DYNC2H1: variants seen among roughly 807,000 people sequenced by gnomAD.
The protein encoded by DYNC2H1 is dynein cytoplasmic 2 heavy chain 1.
DYNC2H1 carries 410 observed loss-of-function variants against 570.0 expected under a neutral mutation model. That is an observed-to-expected ratio of 0.72 (90% CI 0.66 to 0.78). DYNC2H1 has a LOEUF of 0.78. DYNC2H1 is among the 30% of genes least tolerant of loss of function. The probability of loss-of-function intolerance (pLI) is 0.00; values close to 1 mark genes in which losing one functional copy is unlikely to be tolerated. For synonymous variants in DYNC2H1, 1,688 were observed against 1,677.6 expected, an observed-to-expected ratio of 1.01 and a Z score of -0.15; for missense variants, 4,865 against 5,046.4, an observed-to-expected ratio of 0.96 and a Z score of 1.09.
At chr11:103,307,519 G>C (rs930352695) in intron 77 of DYNC2H1, among the ~76,000 whole-genome samples, 3 of 152,094 alleles carry the variant, frequency 2.0e-5, no homozygotes, top group African/African-American at 7.2e-5. Context: ...CAGTCAACAT[G>C]ACTTTAGATG....
chr11:103,349,472 G>A (rs1034260227), intron 82 of DYNC2H1, among the ~76,000 whole-genome samples: 5 of 151,934 alleles, frequency 3.3e-5, no homozygotes, highest in African/African-American at 1.2e-4. Flanking sequence ...TTCAGGGTGC[G>A]ACAAAGTATC....
chr11:103,324,016 C>T lies in DYNC2H1; in HGVS notation c.12039+26C>T. 1.3e-6 allele frequency: 2 copies of T among 1,559,644 alleles called. No homozygotes were observed. Among genetic ancestry groups the T allele is most frequent in the Non-Finnish European group, 1.7e-6 (2 of 1,154,584 alleles). On this transcript the variant is annotated intron_variant, in intron 82 of 88. Transcript: ENST00000375735. This position sits in a 1 kb window ranked among gnomAD's most constrained non-coding sequence, Gnocchi z 5.2. Reference sequence around the variant, plus strand: ...GTAACCTAAAAAAAAGATCTACCTTCAAAAAAAGTTGCTAGTGAGCCTGAA... The same window carrying T: ...GTAACCTAAAAAAAAGATCTACCTTTAAAAAAAGTTGCTAGTGAGCCTGAA...
At chr11:103,342,166 G>A (rs564881678) in intron 82 of DYNC2H1, among the ~76,000 whole-genome samples, 95 of 151,818 alleles carry the variant, frequency 6.3e-4, no homozygotes, top group African/African-American at 2.1e-3. Context: ...TGTCTTACAA[G>A]AGGTTTGTAA....
chr11:103,163,145 C>T lies in DYNC2H1; in HGVS notation c.4609C>T (p.Gln1537Ter). Residue 1537 changes from glutamine (Q) to a stop codon, truncating the protein, a stop_gained and splice_region_variant, in exon 30 of 89, where the codon CAG becomes TAG. Transcript: ENST00000375735. LOFTEE classifies it high-confidence loss of function. This position sits in a 1 kb window ranked among gnomAD's most constrained non-coding sequence, Gnocchi z 4.6. ...AGTTGACCCATCTCTGTTCCCTTCACAGGTAAGGGGGCTTACGTGTAGAAG... is the reference window on the plus strand; with the variant it reads ...AGTTGACCCATCTCTGTTCCCTTCATAGGTAAGGGGGCTTACGTGTAGAAG... ...GAVDPSLFPS[Q>*]ILCLAEQIKF... 6.2e-7 allele frequency: 1 copy of T among 1,609,758 alleles called. No homozygotes were observed. Among genetic ancestry groups the T allele is most frequent in the Non-Finnish European group, 8.5e-7 (1 of 1,177,276 alleles).
At chr11:103,263,388 T>C (rs1591492225) in intron 70 of DYNC2H1, among the ~76,000 whole-genome samples, 1 of 152,020 alleles carries the variant, frequency 6.6e-6, no homozygotes, top group Non-Finnish European at 1.5e-5. Flanking sequence ...AACTCTCCAC[T>C]CCAAATCAAC....
intron 84 of DYNC2H1, among the ~76,000 whole-genome samples, chr11:103,425,420 T>C (rs971427164): frequency 2.0e-5 from 3 of 152,090 alleles, no homozygotes; most frequent in African/African-American, 7.2e-5. Context: ...TATCCTCATA[T>C]GGTGGAAAGA....
intron 83 of DYNC2H1, among the ~76,000 whole-genome samples, chr11:103,386,744 T>G (rs909633441): frequency 2.6e-5 from 4 of 152,044 alleles, no homozygotes; most frequent in Admixed American, 6.6e-5. Flanking sequence ...AGTGAGAACA[T>G]GTGGTGTTTG....
intron 75 of DYNC2H1, among the ~76,000 whole-genome samples, chr11:103,288,812 C>T (rs57475471): frequency 0.34 from 49,060 of 145,378 alleles, 8,451 homozygotes; most frequent in Non-Finnish European, 0.38. Context: ...ACCCAGGAGG[C>T]GGAGGTTGCA....
rs749217215 is a variant in DYNC2H1, at chr11:103,455,246, C to T, written c.12517C>T (p.Leu4173Phe). 3.7e-6 allele frequency: 6 copies of T among 1,613,436 alleles called. No homozygotes were observed. The South Asian group carries it at 6.6e-5, about 18-fold the overall frequency. The change falls in exon 86 of 89, where the codon CTT becomes TTT. Residue 4173 changes from leucine to phenylalanine, a missense_variant. Physicochemically the swap from Leu to Phe is conservative, Grantham distance 22. Coordinates refer to ENST00000375735, the MANE Select transcript of DYNC2H1 (RefSeq NM_001377.3). ...LLSETLDLSE[L>F]FHPDTFLNAL... is the part of the protein sequence containing the mutation. ...CTCTGAAACACTTGACCTATCAGAA[C>T]TTTTCCATCCAGACACATTTCTTAA...
chr11:103,150,352 A>T (rs200159193), intron 20 of DYNC2H1, among the ~76,000 whole-genome samples: 9 of 17,010 alleles, frequency 5.3e-4, no homozygotes, highest in Non-Finnish European at 6.3e-4. Flanking sequence ...ATGATAGACA[A>T]GAGATGATGG....
At chr11:103,285,799 A>G (rs773463804) in intron 73 of DYNC2H1, among the ~76,000 whole-genome samples, 5 of 152,202 alleles carry the variant, frequency 3.3e-5, no homozygotes, top group Non-Finnish European at 7.3e-5. Flanking sequence ...TTATTAAAAT[A>G]GGATACAAGG....
chr11:103,377,333 G>C (rs893028369), intron 83 of DYNC2H1, among the ~76,000 whole-genome samples: 2 of 151,886 alleles, frequency 1.3e-5, no homozygotes, highest in Non-Finnish European at 2.9e-5. Flanking sequence ...CCTTGGACTG[G>C]GTTATTTCAA....
In DYNC2H1 at chr11:103,439,049, T is replaced by C. The variant is rs1274846812; in HGVS notation, c.12456+3017T>C. On this transcript the variant is annotated intron_variant, in intron 85 of 88. Transcript: ENST00000375735. The surrounding 1 kb of genome is among the most constrained non-coding windows in gnomAD (Gnocchi z 4.1). The stretch of plus-strand genomic sequence containing the variant: ...AAACACTGTGTGAGGTTGCTGAATA[T>C]AGAGTGGTAAACAAAATAGACATAC... Among the ~76,000 whole-genome samples the C allele has an allele frequency of 2.6e-5, 4 of 152,110 alleles. No individual in the cohort carries two copies. Among genetic ancestry groups the C allele is most frequent in the South Asian group, 4.1e-4 (2 of 4,830 alleles).
intron 20 of DYNC2H1, among the ~76,000 whole-genome samples, chr11:103,150,423 T>G (rs555956091): frequency 6.6e-6 from 1 of 152,150 alleles, no homozygotes; most frequent in Non-Finnish European, 1.5e-5. Flanking sequence ...TGATGATGTA[T>G]AGGGGTGGGT....
At chr11:103,378,277 A>T (rs1019412898) in intron 83 of DYNC2H1, among the ~76,000 whole-genome samples, 2 of 152,216 alleles carry the variant, frequency 1.3e-5, no homozygotes, top group African/African-American at 4.8e-5. Flanking sequence ...ATGTCATGCT[A>T]GAAGTCACTT....
chr11:103,146,298 C>A (rs1238985239), intron 18 of DYNC2H1, among the ~76,000 whole-genome samples: 2 of 152,112 alleles, frequency 1.3e-5, no homozygotes, highest in East Asian at 3.8e-4. Context: ...ACCTTTTTGA[C>A]CAAAGTTTTC....
intron 17 of DYNC2H1, among the ~76,000 whole-genome samples, chr11:103,141,099 A>C (rs1186751138): frequency 6.6e-6 from 1 of 151,972 alleles, no homozygotes; most frequent in Non-Finnish European, 1.5e-5. Flanking sequence ...TTCTAGTTAT[A>C]CATTCATCTA....
rs1862715995 is a variant in DYNC2H1 at position 103,201,473 on chromosome 11, G to T, written c.8197+1319G>T. 6.6e-6 allele frequency among the ~76,000 whole-genome samples: 1 copy of T among 152,068 alleles called. No homozygotes were observed. Among genetic ancestry groups the T allele is most frequent in the South Asian group, 2.1e-4 (1 of 4,818 alleles). On this transcript the variant is annotated intron_variant, in intron 50 of 88. Coordinates refer to ENST00000375735, the MANE Select transcript of DYNC2H1 (RefSeq NM_001377.3). This position sits in a 1 kb window ranked among gnomAD's most constrained non-coding sequence, Gnocchi z 4.8. ...ATTTCTCACCCCTAATTGCACGTTAGAATCACTAGGATAATTAAAAACAAC... is the reference window on the plus strand; with the variant it reads ...ATTTCTCACCCCTAATTGCACGTTATAATCACTAGGATAATTAAAAACAAC...
At chr11:103,459,166 G>C (rs1009956827) in intron 87 of DYNC2H1, among the ~76,000 whole-genome samples, 192 of 149,942 alleles carry the variant, frequency 1.3e-3, no homozygotes, top group African/African-American at 4.4e-3. Context: ...AAAATTAGCC[G>C]GGCGTAGTGG....
Sources: allele counts gnomAD v4.1 joint callset (sites outside exome capture counted in the v4.1 genomes callset), GRCh38; gene constraint gnomAD v4.1.1; non-coding constraint Gnocchi (gnomAD v3.1); transcripts MANE v1.5; gene names NCBI Gene and HGNC (gene_info 2026-07-23, HGNC 2026-07-21).